KCNJ3: variants seen among roughly 807,000 people sequenced by gnomAD.
KCNJ3 encodes G protein-activated inward rectifier potassium channel 1.
KCNJ3 carries 4 observed loss-of-function variants against 39.2 expected under a neutral mutation model. That is an observed-to-expected ratio of 0.10 (90% CI 0.05 to 0.23). The LOEUF is 0.23. Among genes scored for constraint, KCNJ3 ranks in the 10% least tolerant of loss-of-function variants. The probability of loss-of-function intolerance (pLI) is 1.00; values close to 1 mark genes in which losing one functional copy is unlikely to be tolerated. For synonymous variants in KCNJ3, 230 were observed against 237.4 expected (o/e 0.97, Z 0.29); for missense variants, 276 against 634.9 (o/e 0.43, Z 6.08).
chr2:154,776,361 C>T (rs1481065341), intron 2 of KCNJ3, among the ~76,000 whole-genome samples: 1 of 152,044 alleles, frequency 6.6e-6, no homozygotes, highest in East Asian at 1.9e-4. Context: ...CACCCCCAAC[C>T]CCCATCTGCT....
At chr2:154,759,476 A>G (rs1384238843) in intron 2 of KCNJ3, among the ~76,000 whole-genome samples, 1 of 152,024 alleles carries the variant, frequency 6.6e-6, no homozygotes, top group South Asian at 2.1e-4. Context: ...CTTTGTGTAT[A>G]TAGCATCCAG....
At chr2:154,786,611 T>C (rs1266061678) in intron 2 of KCNJ3, among the ~76,000 whole-genome samples, 1 of 152,142 alleles carries the variant, frequency 6.6e-6, no homozygotes, top group African/African-American at 2.4e-5. Context: ...TGCAGATATA[T>C]ACGTATATAT....
chr2:154,741,778 A>C (rs1685658153), intron 2 of KCNJ3, among the ~76,000 whole-genome samples: 1 of 151,918 alleles, frequency 6.6e-6, no homozygotes, highest in Non-Finnish European at 1.5e-5. Flanking sequence ...AGTCTATAAC[A>C]ATCCCAGGAA....
intron 2 of KCNJ3, among the ~76,000 whole-genome samples, chr2:154,767,704 T>A (rs1686160220): frequency 6.6e-6 from 1 of 152,196 alleles, no homozygotes; most frequent in Non-Finnish European, 1.5e-5. Context: ...ATATACCCAG[T>A]AATGGGATGG....
intron 2 of KCNJ3, among the ~76,000 whole-genome samples, chr2:154,850,033 T>A (rs1049901544): frequency 7.5e-6 from 1 of 134,034 alleles, no homozygotes; most frequent in African/African-American, 2.9e-5. Context: ...TTTTTTTTTT[T>A]TTTTTTTTTT....
At chr2:154,779,505 A>G (rs1686397974) in intron 2 of KCNJ3, among the ~76,000 whole-genome samples, 1 of 146,248 alleles carries the variant, frequency 6.8e-6, no homozygotes, top group Non-Finnish European at 1.5e-5. Context: ...TATTTTATAT[A>G]TGTTATATAT....
intron 2 of KCNJ3, among the ~76,000 whole-genome samples, chr2:154,733,244 T>TTTTTAAATTAACTTACTCTATATTAA (rs1685474049): frequency 6.6e-6 from 1 of 152,100 alleles, no homozygotes; most frequent in African/African-American, 2.4e-5. Flanking sequence ...AGTGAATGCT[T>TTTTTAAATTAACTTACTCTATATTAA]TTTTAAATTA....
At chr2:154,797,457 G>A (rs780897659) in intron 2 of KCNJ3, among the ~76,000 whole-genome samples, 29 of 151,920 alleles carry the variant, frequency 1.9e-4, no homozygotes, top group Non-Finnish European at 3.4e-4. Flanking sequence ...TTCTTCCAGG[G>A]CAAACCCCAC....
intron 2 of KCNJ3, among the ~76,000 whole-genome samples, chr2:154,825,696 C>T (rs923818473): frequency 1.3e-5 from 2 of 151,824 alleles, no homozygotes. Flanking sequence ...CCCACCTCAG[C>T]ATCCCAAATA....
intron 2 of KCNJ3, among the ~76,000 whole-genome samples, chr2:154,842,646 T>C (rs977839263): frequency 6.6e-6 from 1 of 152,196 alleles, no homozygotes. Flanking sequence ...CATATATATT[T>C]AGGATAGTTA....
At chr2:154,842,984 T>C (rs1196661653) in intron 2 of KCNJ3, among the ~76,000 whole-genome samples, 6 of 152,230 alleles carry the variant, frequency 3.9e-5, no homozygotes, top group Non-Finnish European at 5.9e-5. Flanking sequence ...CTCATTATAA[T>C]GTTCACTGCT....
intron 2 of KCNJ3, among the ~76,000 whole-genome samples, chr2:154,852,535 G>A (rs1687774090): frequency 6.6e-6 from 1 of 152,072 alleles, no homozygotes; most frequent in African/African-American, 2.4e-5. Flanking sequence ...TGCTTTTAGG[G>A]AGAAAATATA....
rs553956136 is a variant in KCNJ3, at chr2:154,778,706, G to A, written c.919+68887G>A. On this transcript the variant is annotated intron_variant, in intron 2 of 2. Transcript: ENST00000295101. ...TGTATTTAATAATCATTATACATAT[G>A]CATATGCTCTTTTTGGAAAACAATA... is the stretch of plus-strand genomic sequence containing the variant. Among the ~76,000 whole-genome samples, 5 of 152,130 alleles carry A rather than the reference G, an allele frequency of 3.3e-5. No individual in the cohort carries two copies. In the South Asian group the frequency reaches 1.0e-3, roughly 32 times the overall value.
rs1044991806 is a variant in KCNJ3, at chr2:154,855,970, G to A, written c.*657G>A. On this transcript the variant is annotated 3_prime_UTR_variant, in exon 3 of 3. Transcript: ENST00000295101. The stretch of plus-strand genomic sequence containing the variant: ...GATTTAATGTTTTCTGCTGTTTAAG[G>A]TCTTGGGAGGCTTTCAATTGTATTT... The A allele has an allele frequency of 1.3e-5, 2 of 152,350 alleles. No individual in the cohort carries two copies. The highest frequency in any genetic ancestry group is 2.4e-5 in the African/African-American group (1 of 41,390). The allele number at this position is 152,350 out of a possible 1,614,324, so 9.4% of individuals were successfully genotyped here.
chr2:154,718,245 A>T (rs1051683675), intron 2 of KCNJ3, among the ~76,000 whole-genome samples: 1 of 152,132 alleles, frequency 6.6e-6, no homozygotes, highest in African/African-American at 2.4e-5. Flanking sequence ...CTTATCAGTA[A>T]TTCATAGGTC....
In KCNJ3 at chr2:154,699,165, C is replaced by T. The variant is rs946411139; in HGVS notation, c.390C>T (p.Phe130=). 1 of 1,614,094 alleles carries T rather than the reference C, an allele frequency of 6.2e-7. No homozygotes were observed. The highest frequency in any genetic ancestry group is 1.3e-5 in the African/African-American group (1 of 74,942). ...CTTGCGTGGCCAATGTCTATAACTT[C>T]CCTTCTGCCTTCCTCTTCTTCATCG... ...YTPCVANVYN[F]PSAFLFFIET... Residue 130 remains phenylalanine (F), a synonymous_variant, in exon 1 of 3, where the codon TTC becomes TTT. Transcript: ENST00000295101. The surrounding 1 kb of genome is among the most constrained non-coding windows in gnomAD (Gnocchi z 6.4).
At chr2:154,712,760 G>A (rs35306563) in intron 2 of KCNJ3, among the ~76,000 whole-genome samples, 8,240 of 152,126 alleles carry the variant, frequency 0.054, 741 homozygotes, top group African/African-American at 0.19. Context: ...GAGCCTGGGC[G>A]ACGCAGTGAG....
At chr2:154,841,818 T>G (rs994743062) in intron 2 of KCNJ3, among the ~76,000 whole-genome samples, 7 of 152,250 alleles carry the variant, frequency 4.6e-5, no homozygotes, top group African/African-American at 1.7e-4. Flanking sequence ...TATTTGATTC[T>G]TCTCTCTTTT....
At chr2:154,734,791 G>C (rs1214591975) in intron 2 of KCNJ3, among the ~76,000 whole-genome samples, 1 of 152,128 alleles carries the variant, frequency 6.6e-6, no homozygotes, top group East Asian at 1.9e-4. Context: ...ATTTTATAGA[G>C]TTTTGAACCA....
Sources: gnomAD v4.1 joint callset for allele counts (sites outside exome capture counted in the v4.1 genomes callset) on GRCh38, gnomAD v4.1.1 for gene constraint, Gnocchi (gnomAD v3.1) non-coding constraint, MANE v1.5 for transcripts, NCBI Gene and HGNC (gene_info 2026-07-23, HGNC 2026-07-21) for gene names.